The following CHSY3 variants were observed in gnomAD, a reference collection of about 807,000 sequenced individuals.
CHSY3 encodes the protein chondroitin sulfate synthase 3, also known as N-acetylgalactosaminyl-proteoglycan 3-beta-glucuronosyltransferase 3.
Under a neutral mutation model 67.2 loss-of-function variants are expected in CHSY3, and 35 were observed. The observed-to-expected ratio is 0.52, with a 90% confidence interval of 0.40 to 0.69. The LOEUF is 0.69. Among genes scored for constraint, CHSY3 ranks in the 30% least tolerant of loss-of-function variants. The pLI is 0.00. For missense variants in CHSY3, 1,069 were observed against 1,138.5 expected, an observed-to-expected ratio of 0.94 and a Z score of 0.88; for synonymous variants, 474 against 434.7, an observed-to-expected ratio of 1.09 and a Z score of -1.12.
rs139309658 is a variant in CHSY3, at chr5:130,081,594, G to C, written c.1087-102635G>C. Among the ~76,000 whole-genome samples the C allele has an allele frequency of 4.1e-3, 621 of 152,158 alleles. 16 individuals carry two copies. The highest frequency in any genetic ancestry group is 0.031 in the Admixed American group (471 of 15,262). Reference sequence around the variant, plus strand: ...CTCCCATAATACCCACATGTTGTGGGAGGGACCTGGTGAGAGGTAATTGAA... The same window carrying C: ...CTCCCATAATACCCACATGTTGTGGCAGGGACCTGGTGAGAGGTAATTGAA... On this transcript the variant is annotated intron_variant, in intron 2 of 2. Coordinates refer to ENST00000305031, the MANE Select transcript of CHSY3 (RefSeq NM_175856.5).
intron 2 of CHSY3, among the ~76,000 whole-genome samples, chr5:129,972,251 A>G (rs1296085572): frequency 1.3e-5 from 2 of 151,944 alleles, no homozygotes; most frequent in African/African-American, 2.4e-5. Flanking sequence ...CAGATTTTCC[A>G]CTCTGTCTAA....
At chr5:129,938,216 G>A (rs1047690235) in intron 2 of CHSY3, among the ~76,000 whole-genome samples, 1 of 152,168 alleles carries the variant, frequency 6.6e-6, no homozygotes, top group Non-Finnish European at 1.5e-5. Context: ...ACAATGCCAG[G>A]AGCCCTGTCC....
chr5:129,968,920 G>C (rs1288995311), intron 2 of CHSY3, among the ~76,000 whole-genome samples: 1 of 151,756 alleles, frequency 6.6e-6, no homozygotes, highest in African/African-American at 2.4e-5. Context: ...CTATAGAAGT[G>C]GAGCCTGGGA....
intron 2 of CHSY3, among the ~76,000 whole-genome samples, chr5:130,179,259 A>T (rs936888246): frequency 2.0e-5 from 3 of 152,204 alleles, no homozygotes; most frequent in African/African-American, 7.2e-5. Context: ...AAGACCATTT[A>T]ATATAGATAC....
chr5:129,958,528 T>C (rs1314360740), intron 2 of CHSY3, among the ~76,000 whole-genome samples: 3 of 152,098 alleles, frequency 2.0e-5, no homozygotes, highest in African/African-American at 7.2e-5. Context: ...TACAAAAGAT[T>C]TTGTAACTTT....
intron 2 of CHSY3, among the ~76,000 whole-genome samples, chr5:129,933,340 G>T (rs1046731582): frequency 2.6e-5 from 4 of 152,134 alleles, no homozygotes; most frequent in African/African-American, 9.7e-5. Flanking sequence ...AGGTTGTCAG[G>T]CTTAGTCAGC....
intron 2 of CHSY3, among the ~76,000 whole-genome samples, chr5:130,020,422 AATATATATATATATATATATATAT>A (rs1174657766): frequency 9.0e-5 from 3 of 33,356 alleles, no homozygotes; most frequent in African/African-American, 2.7e-4. Context: ...TTCATCTCAA[AATATATATATATATATATATATAT>A]ATATATATAT....
intron 2 of CHSY3, among the ~76,000 whole-genome samples, chr5:130,082,716 A>G (rs943887910): frequency 6.6e-6 from 1 of 151,992 alleles, no homozygotes; most frequent in East Asian, 1.9e-4. Flanking sequence ...GCATGTTGGC[A>G]TGTGTTTGTG....
intron 2 of CHSY3, among the ~76,000 whole-genome samples, chr5:130,146,776 T>C (rs1283932919): frequency 6.8e-6 from 1 of 147,336 alleles, no homozygotes; most frequent in Non-Finnish European, 1.5e-5. Context: ...CATTTTCATT[T>C]GTTTTTTGTT....
chr5:129,933,398 T>G (rs1272394071), intron 2 of CHSY3, among the ~76,000 whole-genome samples: 1 of 152,180 alleles, frequency 6.6e-6, no homozygotes, highest in African/African-American at 2.4e-5. Context: ...TCCTTGGAAA[T>G]ACACAAGCAG....
At chr5:129,956,179 T>C (rs569977572) in intron 2 of CHSY3, among the ~76,000 whole-genome samples, 8 of 152,234 alleles carry the variant, frequency 5.3e-5, no homozygotes, top group Non-Finnish European at 1.0e-4. Context: ...GCATTTTTTT[T>C]CTCCAAAACC....
chr5:130,128,640 G>C (rs1390415124), intron 2 of CHSY3, among the ~76,000 whole-genome samples: 1 of 152,076 alleles, frequency 6.6e-6, no homozygotes, highest in Non-Finnish European at 1.5e-5. Context: ...AAATTGCTAA[G>C]AGTACATCTT....
At position 129,908,650 on chromosome 5, in the gene CHSY3, A is replaced by G. The variant is rs554649862; in HGVS notation, c.1086+290A>G. ...CTGCTTGATTTATTGGTGCTTATAT[A>G]CATGTGAATCTATTTCCCTTTTCTA... On this transcript the variant is annotated intron_variant, in intron 2 of 2. Coordinates refer to ENST00000305031, the MANE Select transcript of CHSY3 (RefSeq NM_175856.5). 2.0e-5 allele frequency among the ~76,000 whole-genome samples: 3 copies of G among 152,220 alleles called. No homozygotes were observed. The East Asian group carries it at 5.8e-4, about 29-fold the overall frequency.
intron 2 of CHSY3, among the ~76,000 whole-genome samples, chr5:129,982,633 A>G (rs180868675): frequency 4.8e-4 from 73 of 152,158 alleles, no homozygotes; most frequent in African/African-American, 1.7e-3. Flanking sequence ...CTTTCCTAAT[A>G]TATTCTAATA....
intron 2 of CHSY3, among the ~76,000 whole-genome samples, chr5:130,167,702 G>T (rs1311705530): frequency 6.6e-6 from 1 of 152,036 alleles, no homozygotes; most frequent in Non-Finnish European, 1.5e-5. Flanking sequence ...TACAACTAAA[G>T]GTTACTCATT....
chr5:129,919,512 G>A (rs1760848514), intron 2 of CHSY3, among the ~76,000 whole-genome samples: 1 of 152,166 alleles, frequency 6.6e-6, no homozygotes, highest in South Asian at 2.1e-4. Flanking sequence ...TCACAATCAT[G>A]GCAGAAGGCG....
chr5:129,981,561 C>T (rs997115649), intron 2 of CHSY3, among the ~76,000 whole-genome samples: 5 of 151,928 alleles, frequency 3.3e-5, no homozygotes, highest in Admixed American at 2.0e-4. Context: ...CTTGGACACC[C>T]AGGCCGGAGT....
chr5:130,079,347 A>T (rs1766374104), intron 2 of CHSY3, among the ~76,000 whole-genome samples: 1 of 152,130 alleles, frequency 6.6e-6, no homozygotes, highest in Non-Finnish European at 1.5e-5. Flanking sequence ...AAATAAATGG[A>T]AGTTTCTTTT....
chr5:130,185,890 G>T lies in CHSY3; in HGVS notation c.*99G>T, dbSNP rs1343498737. 7.8e-6 allele frequency: 5 copies of T among 638,866 alleles called. No individual in the cohort carries two copies. Among genetic ancestry groups the T allele is most frequent in the Admixed American group, 8.3e-5 (2 of 24,218 alleles). The allele number at this position is 638,866 out of a possible 1,614,324, so 39.6% of individuals were successfully genotyped here. ...TTATTGTTATTTTATTATTATTATTGTTATAATTTTATTTTGTTGTCCTGG... is the reference window on the plus strand; with the variant it reads ...TTATTGTTATTTTATTATTATTATTTTTATAATTTTATTTTGTTGTCCTGG... On this transcript the variant is annotated 3_prime_UTR_variant, in exon 3 of 3. Coordinates refer to ENST00000305031, the MANE Select transcript of CHSY3 (RefSeq NM_175856.5).
Sources: gnomAD v4.1 joint callset for allele counts (sites outside exome capture counted in the v4.1 genomes callset) on GRCh38, gnomAD v4.1.1 for gene constraint, MANE v1.5 for transcripts, NCBI Gene and HGNC (gene_info 2026-07-23, HGNC 2026-07-21) for gene names.